USP21: variants seen among roughly 807,000 people sequenced by gnomAD.
The protein encoded by USP21 is ubiquitin carboxyl-terminal hydrolase 21.
In USP21, 37 loss-of-function variants were observed where a neutral mutation model predicts 70.8. The ratio of observed to expected loss-of-function variants is 0.52; its 90% confidence interval spans 0.40 to 0.69. The LOEUF is 0.69. USP21 is among the 30% of genes least tolerant of loss of function. The pLI is 0.00. For synonymous variants in USP21, 263 were observed against 283.1 expected (o/e 0.93, Z 0.71); for missense variants, 584 against 740.8 (o/e 0.79, Z 2.46).
In USP21 at chr1:161,160,966, C is replaced by A; in HGVS notation, c.326C>A (p.Ala109Asp). The change falls in exon 3 of 14, where the codon GCC (alanine) becomes GAC (aspartate). Residue 109 changes from alanine to aspartate, a missense_variant. Transcript: ENST00000368002. Reference sequence around the variant, plus strand: ...CCTCTCCCATCTCGGACCAACTTAGCCCGTTCCAAGTCTGTGAGCAGTGGG... The same window carrying A: ...CCTCTCCCATCTCGGACCAACTTAGACCGTTCCAAGTCTGTGAGCAGTGGG... ...ALPLPSRTNL[A>D]RSKSVSSGDL... The A allele has an allele frequency of 1.2e-6, 2 of 1,614,268 alleles. No individual in the cohort carries two copies. Among genetic ancestry groups the A allele is most frequent in the East Asian group, 4.5e-5 (2 of 44,892 alleles).
intron 8 of USP21, 126 bp downstream of exon 8, chr1:161,163,745 G>A: frequency 7.4e-7 from 1 of 1,350,224 alleles, no homozygotes; most frequent in African/African-American, 1.4e-5. Context: ...GAAGCTGTGT[G>A]AAGAGTTGAT....
chr1:161,161,327 C>T lies in USP21; in HGVS notation c.600+87C>T. The T allele has an allele frequency of 6.8e-7, 1 of 1,472,316 alleles. No homozygotes were observed. The highest frequency in any genetic ancestry group is 1.3e-5 in the South Asian group (1 of 74,106). The allele number at this position is 1,472,316 out of a possible 1,614,324, so 91.2% of individuals were successfully genotyped here. A position where few individuals can be genotyped will look rare whatever the true frequency, so the allele number is the denominator to read the frequency against. The stretch of plus-strand genomic sequence containing the variant: ...TCTGCCTTTTCTGTCCCCCATTTCC[C>T]TGAAGTTCCTTTCTCAGCCCTTCAT... On this transcript the variant is annotated intron_variant, in intron 3 of 13. Coordinates refer to ENST00000368002, the MANE Select transcript of USP21 (RefSeq NM_001014443.3). The surrounding 1 kb of genome is among the most constrained non-coding windows in gnomAD (Gnocchi z 4.2).
chr1:161,161,734 TG>T lies in USP21; in HGVS notation c.601-301del. On this transcript the variant is annotated intron_variant, in intron 3 of 13. Coordinates refer to ENST00000368002, the MANE Select transcript of USP21 (RefSeq NM_001014443.3). This position sits in a 1 kb window ranked among gnomAD's most constrained non-coding sequence, Gnocchi z 4.2. Reference sequence around the variant, plus strand: ...CAGAAAGGTGGGAGTGGTGAGCAGCTGGGCAACCATGCCGGTGCTGGGGGAG... The same window carrying T: ...CAGAAAGGTGGGAGTGGTGAGCAGCTGGCAACCATGCCGGTGCTGGGGGAG... 2.0e-6 allele frequency: 1 copy of T among 492,270 alleles called. No homozygotes were observed. Among genetic ancestry groups the T allele is most frequent in the Non-Finnish European group, 3.7e-6 (1 of 272,458 alleles). The allele number at this position is 492,270 out of a possible 1,614,324, so 30.5% of individuals were successfully genotyped here. A position where few individuals can be genotyped will look rare whatever the true frequency, so the allele number is the denominator to read the frequency against.
chr1:161,162,947 C>G lies in USP21; in HGVS notation c.922C>G (p.Leu308Val). The change falls in exon 7 of 14, where the codon CTC becomes GTC. Residue 308 changes from leucine to valine, a missense_variant. Leu to Val is a conservative substitution (Grantham distance 32). Transcript: ENST00000368002. This position sits in a 1 kb window ranked among gnomAD's most constrained non-coding sequence, Gnocchi z 4.1. Reference protein sequence around the residue: ...SQQDAQEFLKLLMERLHLEIN... With the variant: ...SQQDAQEFLKVLMERLHLEIN... ...GCAGGATGCCCAAGAGTTCCTGAAG[C>G]TCCTCATGGAGCGGCTACACCTTGA... 1 of 1,611,250 alleles carries G rather than the reference C, an allele frequency of 6.2e-7. No homozygotes were observed. The highest frequency in any genetic ancestry group is 8.5e-7 in the Non-Finnish European group (1 of 1,178,886).
At chr1:161,163,672 G>A in intron 8 of USP21, 53 bp downstream of exon 8, 1 of 1,359,596 alleles carries the variant, frequency 7.4e-7, no homozygotes, top group Non-Finnish European at 1.0e-6. Flanking sequence ...GGGGGGTACA[G>A]GCTTGGGGGG....
At position 161,163,582 on chromosome 1, in the gene USP21, G is replaced by A; in HGVS notation, c.1077G>A (p.Trp359Ter). The change falls in exon 8 of 14, where the codon TGG becomes TGA. Residue 359 changes from tryptophan to a stop codon, truncating the protein, a stop_gained. Coordinates refer to ENST00000368002, the MANE Select transcript of USP21 (RefSeq NM_001014443.3). LOFTEE classifies it high-confidence loss of function. ...LSDDDRANLMWKRYLEREDSK... is the reference protein window; with the variant it reads ...LSDDDRANLM ...ATGATGACCGAGCCAACCTAATGTG[G>A]AAACGTTACCTGGAGCGAGAGGACA... The A allele has an allele frequency of 1.2e-6, 2 of 1,613,180 alleles. No individual in the cohort carries two copies. Among genetic ancestry groups the A allele is most frequent in the Non-Finnish European group, 1.7e-6 (2 of 1,179,758 alleles).
chr1:161,161,894 T>C lies in USP21; in HGVS notation c.601-144T>C. On this transcript the variant is annotated intron_variant, in intron 3 of 13. Transcript: ENST00000368002. The surrounding 1 kb of genome is among the most constrained non-coding windows in gnomAD (Gnocchi z 4.2). ...CTCATGACCAGTGAGGTAGGGAGAC[T>C]AGAATACCTAGTGAGGGGAATAGGG... The C allele has an allele frequency of 1.3e-6, 1 of 780,476 alleles. No individual in the cohort carries two copies. Among genetic ancestry groups the C allele is most frequent in the South Asian group, 1.5e-5 (1 of 64,902 alleles). The allele number at this position is 780,476 out of a possible 1,614,324, so 48.3% of individuals were successfully genotyped here. A position where few individuals can be genotyped will look rare whatever the true frequency, so the allele number is the denominator to read the frequency against.
At position 161,165,508 on chromosome 1, in the gene USP21, T is replaced by G. The variant is rs1658623898; in HGVS notation, c.*61T>G. 5 of 1,199,676 alleles carry G rather than the reference T, an allele frequency of 4.2e-6. No homozygotes were observed. Among genetic ancestry groups the G allele is most frequent in the East Asian group, 3.0e-5 (1 of 33,286 alleles). 74.3% of individuals were successfully genotyped at this position (1,199,676 alleles called of 1,614,324 possible). On this transcript the variant is annotated 3_prime_UTR_variant, in exon 14 of 14. Coordinates refer to ENST00000368002, the MANE Select transcript of USP21 (RefSeq NM_001014443.3). ...ACACCCTTAAGCCCCAGGCTCCCCG[T>G]TTACCTCAGAGACGTCTATTTTTGT...
chr1:161,163,754 A>ATTAGGAGTG (rs1553234122), intron 8 of USP21, 124 bp from the exon 9 acceptor site: 1 of 1,329,870 alleles, frequency 7.5e-7, no homozygotes, highest in Non-Finnish European at 1.1e-6. Context: ...TGAAGAGTTG[A>ATTAGGAGTG]TTAGGAGTGT....
chr1:161,160,824 CG>C lies in USP21; in HGVS notation c.186del (p.Leu63SerfsTer46), dbSNP rs1366896376. On this transcript the variant is annotated frameshift_variant, in exon 3 of 14. Transcript: ENST00000368002. LOFTEE classifies it high-confidence loss of function. ...LPPRPGLPDERLKKLELGRGR... is the reference protein window; with the variant it reads ...LPPRPGLPDEXLKKLELGRGR... The stretch of plus-strand genomic sequence containing the variant: ...TCCCCGGCCAGGTCTGCCTGATGAA[CG>C]GCTCAAGAAACTGGAGCTGGGACGG... 1 of 1,614,098 alleles carries C rather than the reference CG, an allele frequency of 6.2e-7. No individual in the cohort carries two copies. Among genetic ancestry groups the C allele is most frequent in the African/African-American group, 1.3e-5 (1 of 74,950 alleles).
chr1:161,164,567 A>G lies in USP21; in HGVS notation c.1339A>G (p.Thr447Ala). Residue 447 changes from threonine (T) to alanine (A), a missense_variant, in exon 11 of 14, where the codon ACC becomes GCC. Physicochemically the swap from Thr to Ala is moderately conservative, Grantham distance 58 (BLOSUM62 0). Coordinates refer to ENST00000368002, the MANE Select transcript of USP21 (RefSeq NM_001014443.3). This position sits in a 1 kb window ranked among gnomAD's most constrained non-coding sequence, Gnocchi z 4.2. ...CCGATGTCGGCAGAAAACTCGAAGTACCAAAAAGTTGACAGTACAAAGATT... is the reference window on the plus strand; with the variant it reads ...CCGATGTCGGCAGAAAACTCGAAGTGCCAAAAAGTTGACAGTACAAAGATT... ...CDRCRQKTRS[T>A]KKLTVQRFPR... 6.2e-7 allele frequency: 1 copy of G among 1,614,220 alleles called. No homozygotes were observed. Among genetic ancestry groups the G allele is most frequent in the Non-Finnish European group, 8.5e-7 (1 of 1,180,044 alleles).
intron 8 of USP21, 107 bp downstream of exon 8, chr1:161,163,726 T>C: frequency 7.2e-7 from 1 of 1,394,936 alleles, no homozygotes; most frequent in East Asian, 2.3e-5. Flanking sequence ...GACTGGATGA[T>C]GCAAATGTGA....
Position 161,164,444 on chromosome 1 carries a change from G to T in USP21, c.1306-90G>T. 10 of 1,501,624 alleles carry T rather than the reference G, an allele frequency of 6.7e-6. No individual in the cohort carries two copies. The highest frequency in any genetic ancestry group is 9.2e-6 in the Non-Finnish European group (10 of 1,081,254). 93.0% of individuals were successfully genotyped at this position (1,501,624 alleles called of 1,614,324 possible). A position where few individuals can be genotyped will look rare whatever the true frequency, so the allele number is the denominator to read the frequency against. On this transcript the variant is annotated intron_variant, in intron 10 of 13. Coordinates refer to ENST00000368002, the MANE Select transcript of USP21 (RefSeq NM_001014443.3). This position sits in a 1 kb window ranked among gnomAD's most constrained non-coding sequence, Gnocchi z 4.2. ...CAAGAGGATCCAGCTGTAATGAAGA[G>T]CATACTAAATTTGTATGTGGATCGG... is the stretch of plus-strand genomic sequence containing the variant.
intron 1 of USP21, 71 bp from the exon 2 acceptor site, chr1:161,160,295 C>T (rs1289462479): frequency 1.7e-5 from 5 of 302,086 alleles, no homozygotes; most frequent in East Asian, 1.5e-4. Flanking sequence ...AAGCCATGGG[C>T]TGCTTATCTT....
chr1:161,161,362 T>C lies in USP21; in HGVS notation c.600+122T>C, dbSNP rs1571280057. 7 of 1,286,100 alleles carry C rather than the reference T, an allele frequency of 5.4e-6. No individual in the cohort carries two copies. In the African/African-American group the frequency reaches 7.4e-5, roughly 14 times the overall value. The allele number at this position is 1,286,100 out of a possible 1,614,324, so 79.7% of individuals were successfully genotyped here. On this transcript the variant is annotated intron_variant, in intron 3 of 13. Transcript: ENST00000368002. The surrounding 1 kb of genome is among the most constrained non-coding windows in gnomAD (Gnocchi z 4.2). ...TTTCTCAGCCCTTCATTACAGCAGT[T>C]TGGACATGCCTCTCCCTTGCTTAAA...
chr1:161,160,266 G>A, intron 1 of USP21, 100 bp from the exon 2 acceptor site: 1 of 241,652 alleles, frequency 4.1e-6, no homozygotes. Flanking sequence ...GGGAGGGGTC[G>A]GGAGTATAGA....
At chr1:161,160,255 A>AG in intron 1 of USP21, 111 bp from the exon 2 acceptor site, 1 of 226,218 alleles carries the variant, frequency 4.4e-6, no homozygotes, top group Non-Finnish European at 8.9e-6. Flanking sequence ...TGTGTTCTGC[A>AG]GGGAGGGGTC....
chr1:161,162,827 C>T lies in USP21; in HGVS notation c.894-92C>T. ...TTGTTCTGAGCCTTGAGATGTTCTTCATCCAGGAAGTGGGGACCAATATCT... is the reference window on the plus strand; with the variant it reads ...TTGTTCTGAGCCTTGAGATGTTCTTTATCCAGGAAGTGGGGACCAATATCT... On this transcript the variant is annotated intron_variant, in intron 6 of 13. Coordinates refer to ENST00000368002, the MANE Select transcript of USP21 (RefSeq NM_001014443.3). This position sits in a 1 kb window ranked among gnomAD's most constrained non-coding sequence, Gnocchi z 4.1. 6 of 1,580,618 alleles carry T rather than the reference C, an allele frequency of 3.8e-6. No homozygotes were observed. The highest frequency in any genetic ancestry group is 5.2e-6 in the Non-Finnish European group (6 of 1,152,212).
In USP21 at chr1:161,163,584, A is replaced by C. The variant is rs754447783; in HGVS notation, c.1079A>C (p.Lys360Thr). Reference protein sequence around the residue: ...SDDDRANLMWKRYLEREDSKI... With the variant: ...SDDDRANLMWTRYLEREDSKI... ...GATGACCGAGCCAACCTAATGTGGAAACGTTACCTGGAGCGAGAGGACAGC... is the reference window on the plus strand; with the variant it reads ...GATGACCGAGCCAACCTAATGTGGACACGTTACCTGGAGCGAGAGGACAGC... The change falls in exon 8 of 14, where the codon AAA (lysine) becomes ACA (threonine). Residue 360 changes from lysine (K) to threonine (T), a missense_variant. Around this residue, in one of 4 missense-constraint regions of USP21, gnomAD observed 173 missense variants for 268.2 expected, o/e 0.65. Coordinates refer to ENST00000368002, the MANE Select transcript of USP21 (RefSeq NM_001014443.3). The C allele has an allele frequency of 1.9e-6, 3 of 1,609,768 alleles. No homozygotes were observed. The African/African-American group carries it at 4.0e-5, about 22-fold the overall frequency.
Sources: allele counts gnomAD v4.1 joint callset, GRCh38; gene constraint gnomAD v4.1.1; regional missense constraint gnomAD v4.1.1; non-coding constraint Gnocchi (gnomAD v3.1); transcripts MANE v1.5; gene names NCBI Gene and HGNC (gene_info 2026-07-23, HGNC 2026-07-21).